Variants in HMGCLL1 observed in about 807,000 individuals in gnomAD.
HMGCLL1 encodes 3-hydroxymethyl-3-methylglutaryl-CoA lyase, cytoplasmic.
In HMGCLL1, 36 loss-of-function variants were observed where a neutral mutation model predicts 39.1. The ratio of observed to expected loss-of-function variants is 0.92; its 90% CI spans 0.71 to 1.22. The LOEUF is 1.22. Ranked by LOEUF, HMGCLL1 falls within the 50% of genes most tolerant of loss-of-function variation. HMGCLL1 has a pLI of 0.00. For synonymous variants in HMGCLL1, 149 were observed against 144.0 expected (o/e 1.03, Z -0.25); for missense variants, 451 against 416.5 (o/e 1.08, Z -0.72).
At chr6:55,617,302 C>T in the HMGCLL1 span, among the ~76,000 whole-genome samples, 4 of 152,156 alleles carry the variant, frequency 2.6e-5, no homozygotes, top group East Asian at 7.7e-4. Flanking sequence ...TTCTCCACAC[C>T]CACCAGCTCA....
At chr6:55,452,204 G>A (rs4555914) in intron 7 of HMGCLL1, among the ~76,000 whole-genome samples, 7,873 of 152,116 alleles carry the variant, frequency 0.052, 248 homozygotes, top group African/African-American at 0.084. Flanking sequence ...TTCTCCTCTT[G>A]GAAGTGCCTC....
intron 1 of HMGCLL1, chr6:55,576,967 A>C: frequency 7.2e-7 from 1 of 1,392,150 alleles, no homozygotes; most frequent in Admixed American, 1.9e-5. Flanking sequence ...AGGGGAATGT[A>C]AGTCTAGAAA....
intron 1 of HMGCLL1, chr6:55,577,214 C>T: frequency 6.5e-7 from 1 of 1,531,944 alleles, no homozygotes; most frequent in Non-Finnish European, 8.8e-7. Context: ...GTTAGTGCTG[C>T]TGTGAGTTCA....
intron 8 of HMGCLL1, among the ~76,000 whole-genome samples, chr6:55,437,737 C>A (rs574832881): frequency 4.9e-4 from 75 of 152,020 alleles, no homozygotes; most frequent in African/African-American, 1.7e-3. Flanking sequence ...TAGGTGTAAC[C>A]CTTTGATGGT....
chr6:55,632,580 T>C, the HMGCLL1 span, among the ~76,000 whole-genome samples: 1 of 151,900 alleles, frequency 6.6e-6, no homozygotes, highest in African/African-American at 2.4e-5. Context: ...CTGTTCTGTT[T>C]CAGATTTTTA....
chr6:55,659,789 G>T, the HMGCLL1 span, among the ~76,000 whole-genome samples: 3 of 151,754 alleles, frequency 2.0e-5, no homozygotes, highest in African/African-American at 7.3e-5. Flanking sequence ...ACAACTGAGA[G>T]GTAAATTACA....
chr6:55,459,559 T>C (rs1272558710), intron 7 of HMGCLL1, among the ~76,000 whole-genome samples: 1 of 152,076 alleles, frequency 6.6e-6, no homozygotes, highest in Non-Finnish European at 1.5e-5. Context: ...TCTGACATAA[T>C]GCTGGATCCC....
At position 55,552,970 on chromosome 6, in the gene HMGCLL1, C is replaced by T. The variant is rs550645098; in HGVS notation, c.109-10830G>A. 3.4e-4 allele frequency among the ~76,000 whole-genome samples: 51 copies of T among 151,774 alleles called. 1 individual carries two copies. The highest frequency in any genetic ancestry group is 6.3e-4 in the Non-Finnish European group (43 of 67,962). On this transcript the variant is annotated intron_variant, in intron 1 of 8. Coordinates refer to ENST00000274901, the MANE Select transcript of HMGCLL1 (RefSeq NM_001042406.2). ...CAGCCTGGCTAACATGGTGCAACCC[C>T]GTTTCTACTAAAAATACAAAAAATT... is the stretch of plus-strand genomic sequence containing the variant.
chr6:55,511,248 C>A (rs1028146914), intron 5 of HMGCLL1, among the ~76,000 whole-genome samples: 1 of 152,060 alleles, frequency 6.6e-6, no homozygotes. Flanking sequence ...ATCCAAACTG[C>A]GGATATTTCA....
chr6:55,669,730 G>T, the HMGCLL1 span, among the ~76,000 whole-genome samples: 2 of 151,464 alleles, frequency 1.3e-5, no homozygotes, highest in South Asian at 4.2e-4. Flanking sequence ...TCACTGGATA[G>T]ATTAAAAAGC....
At position 55,502,167 on chromosome 6, in the gene HMGCLL1, A is replaced by G. The variant is rs929199456; in HGVS notation, c.543-2868T>C. Among the ~76,000 whole-genome samples the G allele has an allele frequency of 4.6e-5, 7 of 151,952 alleles. No individual in the cohort carries two copies. In the East Asian group the frequency reaches 1.4e-3, roughly 29 times the overall value. On this transcript the variant is annotated intron_variant, in intron 5 of 8. Transcript: ENST00000274901. ...TTCTTGAGCAATAGTTTGACTAGGT[A>G]TAAAATTCTATGTTGACAGTTATCT...
the HMGCLL1 span, among the ~76,000 whole-genome samples, chr6:55,600,882 A>AC: frequency 6.6e-6 from 1 of 152,190 alleles, no homozygotes; most frequent in Non-Finnish European, 1.5e-5. Flanking sequence ...TGGAACATAG[A>AC]CTGCAACTAC....
the HMGCLL1 span, among the ~76,000 whole-genome samples, chr6:55,595,518 G>A: frequency 6.6e-6 from 1 of 152,156 alleles, no homozygotes; most frequent in South Asian, 2.1e-4. Flanking sequence ...ATGGAATCAA[G>A]GTGAAGCTAT....
the HMGCLL1 span, among the ~76,000 whole-genome samples, chr6:55,662,661 C>A: frequency 1.3e-5 from 2 of 151,520 alleles, no homozygotes; most frequent in Admixed American, 1.3e-4. Flanking sequence ...TGTGTCACTG[C>A]CAGGTTTTGG....
the HMGCLL1 span, among the ~76,000 whole-genome samples, chr6:55,650,114 TATATATATATATATATATATAC>T: frequency 5.1e-4 from 40 of 78,670 alleles, no homozygotes; most frequent in Admixed American, 3.6e-3. Flanking sequence ...TATATATATA[TATATATATATATATATATATAC>T]ACACACACAC....
chr6:55,665,267 A>C, the HMGCLL1 span, among the ~76,000 whole-genome samples: 2 of 151,708 alleles, frequency 1.3e-5, no homozygotes, highest in Admixed American at 6.6e-5. Flanking sequence ...AGAGGCAGAC[A>C]AGTGTATTTT....
chr6:55,629,646 G>T, the HMGCLL1 span, among the ~76,000 whole-genome samples: 1 of 152,154 alleles, frequency 6.6e-6, no homozygotes, highest in African/African-American at 2.4e-5. Context: ...GGCCTAGGAA[G>T]AAAAAGTGGT....
intron 5 of HMGCLL1, among the ~76,000 whole-genome samples, chr6:55,502,868 T>A (rs990871101): frequency 6.6e-6 from 1 of 151,732 alleles, no homozygotes; most frequent in Non-Finnish European, 1.5e-5. Flanking sequence ...TTATATCTTT[T>A]TTATTATTAT....
chr6:55,478,159 T>G (rs1405782987), intron 7 of HMGCLL1, among the ~76,000 whole-genome samples: 4 of 151,086 alleles, frequency 2.6e-5, no homozygotes, highest in Non-Finnish European at 5.9e-5. Flanking sequence ...TCAAATATGT[T>G]GGCATAACCT....
Sources: gnomAD v4.1 joint callset for allele counts (sites outside exome capture counted in the v4.1 genomes callset) on GRCh38, gnomAD v4.1.1 for gene constraint, MANE v1.5 for transcripts, NCBI Gene and HGNC (gene_info 2026-07-23, HGNC 2026-07-21) for gene names.